Variants in RBFOX1 observed in about 807,000 individuals in gnomAD.
RBFOX1 encodes RNA binding protein fox-1 homolog 1.
Under a neutral mutation model 57.7 loss-of-function variants are expected in RBFOX1, and 8 were observed. The observed-to-expected ratio is 0.14, with a 90% confidence interval of 0.08 to 0.25. RBFOX1 has a LOEUF of 0.25. RBFOX1 is among the 10% of genes least tolerant of loss of function. The pLI, the probability that RBFOX1 is intolerant of heterozygous loss-of-function variation, is 1.00. For synonymous variants in RBFOX1, 326 were observed against 222.4 expected (o/e 1.47, Z -4.15); for missense variants, 611 against 548.5 (o/e 1.11, Z -1.14).
intron 4 of RBFOX1, among the ~76,000 whole-genome samples, chr16:7,469,144 C>T (rs1320192853): frequency 6.6e-6 from 1 of 152,076 alleles, no homozygotes; most frequent in Non-Finnish European, 1.5e-5. Flanking sequence ...CCGTGTTAGC[C>T]AGGATGGTCT....
chr16:5,923,089 G>GAGCAAGC (rs1567151951), intron 4 of RBFOX1, among the ~76,000 whole-genome samples: 1 of 152,156 alleles, frequency 6.6e-6, no homozygotes, highest in African/African-American at 2.4e-5. Flanking sequence ...CTGCTTGCTG[G>GAGCAAGC]AGCAGCTGAT....
In RBFOX1 at chr16:7,580,453, G is replaced by A. The variant is rs145922207; in HGVS notation, c.414+533G>A. Among the ~76,000 whole-genome samples, 33 of 152,146 alleles carry A rather than the reference G, an allele frequency of 2.2e-4. No homozygotes were observed. In the East Asian group the frequency reaches 5.6e-3, roughly 26 times the overall value. On this transcript the variant is annotated intron_variant, in intron 6 of 15. Coordinates refer to ENST00000550418, the MANE Select transcript of RBFOX1 (RefSeq NM_018723.4). Reference sequence around the variant, plus strand: ...CAAACAAAACAAAACCACCACCACCGACACCAAATGAGCTACCAGTTTCTA... The same window carrying A: ...CAAACAAAACAAAACCACCACCACCAACACCAAATGAGCTACCAGTTTCTA...
intron 2 of RBFOX1, among the ~76,000 whole-genome samples, chr16:5,594,617 A>G (rs995866492): frequency 3.9e-5 from 6 of 152,168 alleles, no homozygotes; most frequent in African/African-American, 1.4e-4. Flanking sequence ...GGTAGAAAAG[A>G]GACAAATGGT....
At chr16:6,654,393 A>C (rs1310185598) in intron 2 of RBFOX1, among the ~76,000 whole-genome samples, 3 of 152,194 alleles carry the variant, frequency 2.0e-5, no homozygotes, top group Non-Finnish European at 4.4e-5. Context: ...AATAAAACTT[A>C]CTTATGAGAT....
chr16:6,124,774 C>A (rs1433653793), intron 1 of RBFOX1, among the ~76,000 whole-genome samples: 1 of 152,094 alleles, frequency 6.6e-6, no homozygotes, highest in East Asian at 1.9e-4. Flanking sequence ...GTGATCTGCC[C>A]GCCTTGGCCT....
chr16:7,079,381 AAGAAAACAC>A (rs1342543101), intron 4 of RBFOX1, among the ~76,000 whole-genome samples: 1 of 152,202 alleles, frequency 6.6e-6, no homozygotes, highest in Non-Finnish European at 1.5e-5. Flanking sequence ...AGGTACAACA[AAGAAAACAC>A]AGAATGCTTC....
At chr16:6,902,836 C>T (rs1197110168) in intron 3 of RBFOX1, among the ~76,000 whole-genome samples, 1 of 152,128 alleles carries the variant, frequency 6.6e-6, no homozygotes, top group South Asian at 2.1e-4. Flanking sequence ...ACACTGTTTT[C>T]CATCTGTTCA....
At chr16:5,424,372 C>T (rs377666983) in intron 1 of RBFOX1, among the ~76,000 whole-genome samples, 3 of 152,118 alleles carry the variant, frequency 2.0e-5, no homozygotes, top group African/African-American at 7.2e-5. Context: ...CAAGACTGGG[C>T]GAGCTCCATC....
At chr16:5,660,098 A>G (rs554738967) in intron 3 of RBFOX1, among the ~76,000 whole-genome samples, 112 of 152,296 alleles carry the variant, frequency 7.4e-4, no homozygotes, top group African/African-American at 2.7e-3. Flanking sequence ...ACAGTTAAAA[A>G]TCTCTCATTT....
intron 1 of RBFOX1, among the ~76,000 whole-genome samples, chr16:6,061,371 A>C (rs2095684227): frequency 6.6e-6 from 1 of 152,204 alleles, no homozygotes; most frequent in Admixed American, 6.5e-5. Flanking sequence ...CAAGTCTCAA[A>C]GAATAAATAT....
chr16:6,487,104 T>C (rs946879293), intron 2 of RBFOX1, among the ~76,000 whole-genome samples: 1 of 151,912 alleles, frequency 6.6e-6, no homozygotes, highest in African/African-American at 2.4e-5. Context: ...AAATAAAGTT[T>C]CTATGAAAAG....
At chr16:7,267,983 G>A (rs1169277228) in intron 4 of RBFOX1, among the ~76,000 whole-genome samples, 1 of 152,216 alleles carries the variant, frequency 6.6e-6, no homozygotes, top group Non-Finnish European at 1.5e-5. Context: ...TCTTGTCATT[G>A]TGCAAACATC....
chr16:6,717,716 G>A (rs1367761043), intron 3 of RBFOX1, among the ~76,000 whole-genome samples: 1 of 152,014 alleles, frequency 6.6e-6, no homozygotes, highest in African/African-American at 2.4e-5. Context: ...CACATTGTTT[G>A]GTTATTGATA....
At chr16:7,368,958 CT>C (rs930105000) in intron 4 of RBFOX1, among the ~76,000 whole-genome samples, 5 of 151,846 alleles carry the variant, frequency 3.3e-5, no homozygotes, top group East Asian at 1.9e-4. Context: ...GTGAATCTTT[CT>C]TTTTTTTAAC....
chr16:7,339,443 GTATTATTAT>G (rs780688779), intron 4 of RBFOX1, among the ~76,000 whole-genome samples: 1 of 152,058 alleles, frequency 6.6e-6, no homozygotes, highest in Non-Finnish European at 1.5e-5. Flanking sequence ...AGATATTTAT[GTATTATTAT>G]TATTTTGTGA....
chr16:7,389,834 A>T (rs931536141), intron 4 of RBFOX1, among the ~76,000 whole-genome samples: 1 of 152,114 alleles, frequency 6.6e-6, no homozygotes, highest in African/African-American at 2.4e-5. Flanking sequence ...TACAATCTTT[A>T]TGGCACCCTG....
intron 4 of RBFOX1, among the ~76,000 whole-genome samples, chr16:5,948,429 A>G (rs1433132025): frequency 6.6e-6 from 1 of 152,230 alleles, no homozygotes; most frequent in Non-Finnish European, 1.5e-5. Flanking sequence ...GCGTCTGCCC[A>G]AAATTCATGT....
intron 3 of RBFOX1, among the ~76,000 whole-genome samples, chr16:5,838,949 G>C (rs970952157): frequency 6.6e-6 from 1 of 152,144 alleles, no homozygotes; most frequent in African/African-American, 2.4e-5. Flanking sequence ...TGGAGGAAAA[G>C]TTTGCACCCC....
chr16:7,459,425 A>G (rs1168525936), intron 4 of RBFOX1, among the ~76,000 whole-genome samples: 2 of 152,216 alleles, frequency 1.3e-5, no homozygotes, highest in Non-Finnish European at 1.5e-5. Flanking sequence ...ATTGAAAATT[A>G]TGATGGAAAT....
Sources: gnomAD v4.1 joint callset for allele counts (sites outside exome capture counted in the v4.1 genomes callset) on GRCh38, gnomAD v4.1.1 for gene constraint, MANE v1.5 for transcripts, NCBI Gene and HGNC (gene_info 2026-07-23, HGNC 2026-07-21) for gene names.